Variants in ADCYAP1R1 observed in about 807,000 individuals in gnomAD.
The protein encoded by ADCYAP1R1 is ADCYAP receptor type I, also known as pituitary adenylate cyclase-activating polypeptide type I receptor.
A neutral mutation model predicts 67.6 loss-of-function variants in ADCYAP1R1; 44 were observed. That is an observed-to-expected ratio of 0.65 (90% CI 0.51 to 0.84). The LOEUF is 0.84. Among genes scored for constraint, ADCYAP1R1 ranks in the 40% least tolerant of loss-of-function variants. The probability of loss-of-function intolerance (pLI) is 0.00; values close to 1 mark genes in which losing one functional copy is unlikely to be tolerated. For missense variants in ADCYAP1R1, 477 were observed against 587.9 expected (o/e 0.81, Z 1.95); for synonymous variants, 222 against 219.6 (o/e 1.01, Z -0.10).
intron 9 of ADCYAP1R1, 34 bp downstream of exon 9, chr7:31,085,476 C>G: frequency 6.2e-7 from 1 of 1,600,676 alleles, no homozygotes; most frequent in South Asian, 1.1e-5. Context: ...TAGGGCTCTG[C>G]CGGGAAGGTC....
chr7:31,092,634 T>G lies in ADCYAP1R1; in HGVS notation c.955-10T>G, dbSNP rs1796010306. 2 of 1,598,702 alleles carry G rather than the reference T, an allele frequency of 1.3e-6. No homozygotes were observed. The highest frequency in any genetic ancestry group is 4.5e-5 in the East Asian group (2 of 44,782). ...CATGTCCATCTGCTTTTTTTTTTTT[T>G]GCTCCTTAGGTTAACTTTGTGCTTT... is the stretch of plus-strand genomic sequence containing the variant. On this transcript the variant is annotated splice_polypyrimidine_tract_variant and intron_variant, in intron 12 of 15. Coordinates refer to ENST00000304166, the MANE Select transcript of ADCYAP1R1 (RefSeq NM_001118.5).
chr7:31,092,847 G>A, intron 13 of ADCYAP1R1, 112 bp downstream of exon 13: 1 of 722,948 alleles, frequency 1.4e-6, no homozygotes, highest in South Asian at 1.8e-5. Flanking sequence ...CCTAGCATCA[G>A]CATTTGCAGA....
At chr7:31,056,899 A>G (rs1362499245) in intron 1 of ADCYAP1R1, 2 of 152,006 alleles carry the variant, frequency 1.3e-5, no homozygotes, top group African/African-American at 4.9e-5. Flanking sequence ...ACACCCTGGA[A>G]TCACCTTCCC....
chr7:31,071,937 C>T (rs918119940), intron 3 of ADCYAP1R1, among the ~76,000 whole-genome samples: 10 of 151,992 alleles, frequency 6.6e-5, no homozygotes, highest in Non-Finnish European at 1.2e-4. Flanking sequence ...CTCACCTGGC[C>T]CTTTCCACTG....
At chr7:31,060,618 T>G (rs1418060022) in intron 1 of ADCYAP1R1, among the ~76,000 whole-genome samples, 4 of 152,104 alleles carry the variant, frequency 2.6e-5, no homozygotes, top group Admixed American at 1.3e-4. Flanking sequence ...GATAAATGTC[T>G]CTCTTTGTCT....
chr7:31,077,266 G>A (rs912821321), intron 3 of ADCYAP1R1, among the ~76,000 whole-genome samples: 2 of 151,932 alleles, frequency 1.3e-5, no homozygotes, highest in Admixed American at 1.3e-4. Flanking sequence ...TGTGATGTGT[G>A]TGTGGGTGTG....
At chr7:31,069,287 T>C (rs1394485914) in intron 3 of ADCYAP1R1, among the ~76,000 whole-genome samples, 2 of 152,164 alleles carry the variant, frequency 1.3e-5, no homozygotes, top group Non-Finnish European at 2.9e-5. Flanking sequence ...GTGCGTTGTG[T>C]TATTAATCCG....
At chr7:31,095,894 C>G in intron 13 of ADCYAP1R1, 1 of 616,346 alleles carries the variant, frequency 1.6e-6, no homozygotes, top group Non-Finnish European at 2.9e-6. Flanking sequence ...TCCTCTCTGA[C>G]CTGATGCTCC....
intron 3 of ADCYAP1R1, among the ~76,000 whole-genome samples, chr7:31,071,597 C>G (rs764176539): frequency 3.9e-5 from 6 of 152,228 alleles, no homozygotes; most frequent in South Asian, 2.1e-4. Flanking sequence ...TGTCCCTTGC[C>G]TGTCCTGGTT....
At chr7:31,072,212 G>C (rs1327010723) in intron 3 of ADCYAP1R1, among the ~76,000 whole-genome samples, 1 of 152,178 alleles carries the variant, frequency 6.6e-6, no homozygotes, top group African/African-American at 2.4e-5. Context: ...AGCAGAGGTA[G>C]GAGGTGGAGC....
At chr7:31,070,652 G>A (rs904062323) in intron 3 of ADCYAP1R1, among the ~76,000 whole-genome samples, 12 of 152,226 alleles carry the variant, frequency 7.9e-5, no homozygotes, top group Admixed American at 7.2e-4. Flanking sequence ...GGTGTCTGCA[G>A]GGACCCTCAT....
In ADCYAP1R1 at chr7:31,086,156, G is replaced by A. The variant is rs954720937; in HGVS notation, c.670-228G>A. On this transcript the variant is annotated intron_variant, in intron 9 of 15. Transcript: ENST00000304166. This position sits in a 1 kb window ranked among gnomAD's most constrained non-coding sequence, Gnocchi z 5.0. ...TGAGCTGGTGGTGGGGAGGCTCTGTGTCTGCCACCCGTCTTTGTCCTGTGT... is the reference window on the plus strand; with the variant it reads ...TGAGCTGGTGGTGGGGAGGCTCTGTATCTGCCACCCGTCTTTGTCCTGTGT... Among the ~76,000 whole-genome samples the A allele has an allele frequency of 2.0e-5, 3 of 152,214 alleles. No homozygotes were observed. Among genetic ancestry groups the A allele is most frequent in the Non-Finnish European group, 2.9e-5 (2 of 68,038 alleles).
At chr7:31,062,845 T>C (rs1286988154) in intron 1 of ADCYAP1R1, among the ~76,000 whole-genome samples, 1 of 152,234 alleles carries the variant, frequency 6.6e-6, no homozygotes, top group African/African-American at 2.4e-5. Flanking sequence ...TGAGCATGCA[T>C]GTGCCAGCTA....
chr7:31,063,129 G>C, intron 1 of ADCYAP1R1, 65 bp from the exon 2 acceptor site: 1 of 934,192 alleles, frequency 1.1e-6, no homozygotes, highest in Non-Finnish European at 1.7e-6. Flanking sequence ...ATAAGGAAGG[G>C]AGGTGGTCTT....
intron 13 of ADCYAP1R1, among the ~76,000 whole-genome samples, chr7:31,093,655 G>A (rs542543170): frequency 2.6e-5 from 4 of 152,258 alleles, no homozygotes; most frequent in East Asian, 1.9e-4. Context: ...CTTGGGGTCC[G>A]TCTGTTGGTA....
intron 13 of ADCYAP1R1, among the ~76,000 whole-genome samples, chr7:31,093,695 C>A (rs1487680630): frequency 6.6e-6 from 1 of 152,134 alleles, no homozygotes; most frequent in African/African-American, 2.4e-5. Flanking sequence ...GGCTTCTCCG[C>A]TCCTTCAGAA....
Position 31,085,456 on chromosome 7 carries a change from G to A in ADCYAP1R1, c.669+14G>A. ...TTCATCTCCACTGTGAGTGAGCCAA[G>A]CAGACCCATTAGGGCTCTGCCGGGA... On this transcript the variant is annotated intron_variant, in intron 9 of 15. Coordinates refer to ENST00000304166, the MANE Select transcript of ADCYAP1R1 (RefSeq NM_001118.5). 6.2e-7 allele frequency: 1 copy of A among 1,610,744 alleles called. No homozygotes were observed. The highest frequency in any genetic ancestry group is 8.5e-7 in the Non-Finnish European group (1 of 1,179,368).
At chr7:31,078,688 C>T (rs1008589751) in intron 4 of ADCYAP1R1, among the ~76,000 whole-genome samples, 3 of 152,180 alleles carry the variant, frequency 2.0e-5, no homozygotes, top group East Asian at 1.9e-4. Context: ...TTGGGGCTGG[C>T]GCACACTCAC....
intron 4 of ADCYAP1R1, among the ~76,000 whole-genome samples, chr7:31,080,383 G>A (rs899554624): frequency 5.3e-5 from 8 of 152,128 alleles, no homozygotes; most frequent in Non-Finnish European, 1.0e-4. Context: ...GTGGGAGCAC[G>A]GATCTCCCTC....
Sources: gnomAD v4.1 joint callset for allele counts (sites outside exome capture counted in the v4.1 genomes callset) on GRCh38, gnomAD v4.1.1 for gene constraint, Gnocchi (gnomAD v3.1) non-coding constraint, MANE v1.5 for transcripts, NCBI Gene and HGNC (gene_info 2026-07-23, HGNC 2026-07-21) for gene names.